AGPAT5: variants seen among roughly 807,000 people sequenced by gnomAD.
AGPAT5 encodes the protein 1-acyl-sn-glycerol-3-phosphate acyltransferase epsilon.
Under a neutral mutation model 45.6 loss-of-function variants are expected in AGPAT5, and 46 were observed. The observed-to-expected ratio is 1.01, with a 90% CI of 0.80 to 1.29. The LOEUF (loss-of-function observed/expected upper bound fraction) is 1.29. Ranked by LOEUF, AGPAT5 falls within the 50% of genes most tolerant of loss-of-function variation. The probability of loss-of-function intolerance (pLI) is 0.00; values close to 1 mark genes in which losing one functional copy is unlikely to be tolerated. For synonymous variants in AGPAT5, 272 were observed against 167.0 expected (o/e 1.63, Z -4.85); for missense variants, 673 against 450.7 (o/e 1.49, Z -4.47).
In AGPAT5 at chr8:6,760,983, A is replaced by C. The variant is rs547197280; in HGVS notation, c.*3595A>C. Among the ~76,000 whole-genome samples the C allele has an allele frequency of 6.6e-6, 1 of 152,346 alleles. No individual in the cohort carries two copies. The highest frequency in any genetic ancestry group is 2.1e-4 in the South Asian group (1 of 4,828). ...GCTACAACTCTTCGATACTATCATC[A>C]ATATTTGACATCTTTTCCAATTTGT... On this transcript the variant is annotated 3_prime_UTR_variant, in exon 8 of 8. Transcript: ENST00000285518.
intron 5 of AGPAT5, chr8:6,745,945 C>G (rs922209206): frequency 7.9e-5 from 12 of 152,050 alleles, no homozygotes; most frequent in African/African-American, 2.7e-4. Flanking sequence ...TTCTCTCTCC[C>G]CCTTCTTTCT....
chr8:6,757,084 T>C (rs1801868538), intron 7 of AGPAT5, 79 bp from the exon 8 acceptor site: 26 of 1,084,518 alleles, frequency 2.4e-5, no homozygotes, highest in Non-Finnish European at 3.1e-5. Flanking sequence ...TTCCAGCGTG[T>C]AATAGCTACC....
At chr8:6,747,301 T>A (rs1801507437) in intron 5 of AGPAT5, among the ~76,000 whole-genome samples, 1 of 152,206 alleles carries the variant, frequency 6.6e-6, no homozygotes. Context: ...GTGACTGTAT[T>A]TCTAGGAAAT....
At chr8:6,732,688 T>G in intron 4 of AGPAT5, 38 bp downstream of exon 4, 1 of 1,466,826 alleles carries the variant, frequency 6.8e-7, no homozygotes, top group Non-Finnish European at 9.3e-7. Context: ...TTACCAGCTC[T>G]CAGTTTCTAA....
rs1415644480 is a variant in AGPAT5, at chr8:6,760,059, AATTTTGCTTAAT to A, written c.*2674_*2685del. Among the ~76,000 whole-genome samples the A allele has an allele frequency of 5.9e-5, 9 of 152,286 alleles. No homozygotes were observed. Among genetic ancestry groups the A allele is most frequent in the Admixed American group, 5.9e-4 (9 of 15,296 alleles). On this transcript the variant is annotated 3_prime_UTR_variant, in exon 8 of 8. Transcript: ENST00000285518. Reference sequence around the variant, plus strand: ...GATTTTTAAAATTTAGAGTGGCAACAATTTTGCTTAATATGGGTTACATAAGCTTTATTTTTT... The same window carrying A: ...GATTTTTAAAATTTAGAGTGGCAACAATGGGTTACATAAGCTTTATTTTTT...
chr8:6,715,695 C>T (rs1485583672), intron 1 of AGPAT5, among the ~76,000 whole-genome samples: 1 of 152,128 alleles, frequency 6.6e-6, no homozygotes, highest in Non-Finnish European at 1.5e-5. Flanking sequence ...TCAAGGTATT[C>T]ATCTAGGAAA....
chr8:6,739,925 C>T (rs528105772), intron 4 of AGPAT5, among the ~76,000 whole-genome samples: 22 of 152,184 alleles, frequency 1.4e-4, no homozygotes, highest in African/African-American at 5.3e-4. Flanking sequence ...TCCTTCATCA[C>T]ACCTTGTTCT....
At chr8:6,724,156 G>A (rs1219224174) in intron 1 of AGPAT5, among the ~76,000 whole-genome samples, 1 of 152,214 alleles carries the variant, frequency 6.6e-6, no homozygotes, top group African/African-American at 2.4e-5. Context: ...AAACTGGAAT[G>A]ATGTTTCTCT....
chr8:6,741,253 G>A (rs914458143), intron 4 of AGPAT5, among the ~76,000 whole-genome samples: 1 of 152,054 alleles, frequency 6.6e-6, no homozygotes, highest in Non-Finnish European at 1.5e-5. Flanking sequence ...GTACTTTTTA[G>A]TGTTGGTACT....
Position 6,716,047 on chromosome 8 carries a change from C to G in AGPAT5, c.219+7160C>G, listed in dbSNP as rs1182611312. On this transcript the variant is annotated intron_variant, in intron 1 of 7. Coordinates refer to ENST00000285518, the MANE Select transcript of AGPAT5 (RefSeq NM_018361.5). ...CCCCTCCCCACATTAGACCGCTCCTCTCTGGAATTCCAACTCAAGCCCTTG... is the reference window on the plus strand; with the variant it reads ...CCCCTCCCCACATTAGACCGCTCCTGTCTGGAATTCCAACTCAAGCCCTTG... 2.0e-5 allele frequency among the ~76,000 whole-genome samples: 3 copies of G among 152,188 alleles called. No homozygotes were observed. The East Asian group carries it at 5.8e-4, about 29-fold the overall frequency.
At chr8:6,754,694 C>G (rs1801773633) in intron 6 of AGPAT5, among the ~76,000 whole-genome samples, 1 of 152,050 alleles carries the variant, frequency 6.6e-6, no homozygotes, top group African/African-American at 2.4e-5. Flanking sequence ...TTTGCGGGTC[C>G]CTTCAGAGAG....
Position 6,760,878 on chromosome 8 carries a change from A to G in AGPAT5, c.*3490A>G, listed in dbSNP as rs893944334. Among the ~76,000 whole-genome samples the G allele has an allele frequency of 2.0e-5, 3 of 152,224 alleles. No homozygotes were observed. The highest frequency in any genetic ancestry group is 2.9e-5 in the Non-Finnish European group (2 of 68,034). ...ACATTCACATACTTGTCAAATATTC[A>G]TGTAATTAACTGAATTTAAAACCTT... On this transcript the variant is annotated 3_prime_UTR_variant, in exon 8 of 8. Transcript: ENST00000285518.
At chr8:6,722,087 G>C (rs955437647) in intron 1 of AGPAT5, among the ~76,000 whole-genome samples, 3 of 152,130 alleles carry the variant, frequency 2.0e-5, no homozygotes, top group African/African-American at 7.2e-5. Context: ...CCCAGGGGTG[G>C]TAAATTGTGG....
chr8:6,756,786 C>A (rs889600168), intron 7 of AGPAT5, among the ~76,000 whole-genome samples: 2 of 152,068 alleles, frequency 1.3e-5, no homozygotes, highest in Non-Finnish European at 2.9e-5. Context: ...CTGGTCCTAT[C>A]TTTGACTTCT....
At chr8:6,754,851 C>T (rs1801778016) in intron 6 of AGPAT5, among the ~76,000 whole-genome samples, 200 bp from the exon 7 acceptor site, 1 of 152,088 alleles carries the variant, frequency 6.6e-6, no homozygotes, top group Admixed American at 6.6e-5. Flanking sequence ...TTATAACATG[C>T]TCTTCTACTT....
chr8:6,744,453 C>T (rs1801358651), intron 5 of AGPAT5, among the ~76,000 whole-genome samples: 1 of 152,180 alleles, frequency 6.6e-6, no homozygotes, highest in Non-Finnish European at 1.5e-5. Context: ...TTTGAGAAGT[C>T]TGAAATGGGT....
intron 2 of AGPAT5, 54 bp downstream of exon 2, chr8:6,724,993 A>G: frequency 1.5e-6 from 1 of 646,390 alleles, no homozygotes; most frequent in Non-Finnish European, 2.2e-6. Flanking sequence ...GCACATGGGC[A>G]TTCAAAATAC....
At chr8:6,735,847 GC>G (rs56983912) in intron 4 of AGPAT5, among the ~76,000 whole-genome samples, 34,454 of 88,126 alleles carry the variant, frequency 0.39, 9,777 homozygotes, top group Admixed American at 0.44. Context: ...TCTTTATATA[GC>G]CTTTTTTTTT....
intron 6 of AGPAT5, among the ~76,000 whole-genome samples, chr8:6,752,399 C>T (rs777466407): frequency 8.6e-5 from 13 of 151,780 alleles, no homozygotes; most frequent in Non-Finnish European, 1.6e-4. Flanking sequence ...TCTATATCTC[C>T]TGTTCTTCAT....
Sources: gnomAD v4.1 joint callset for allele counts (sites outside exome capture counted in the v4.1 genomes callset) on GRCh38, gnomAD v4.1.1 for gene constraint, MANE v1.5 for transcripts, NCBI Gene and HGNC (gene_info 2026-07-23, HGNC 2026-07-21) for gene names.